LRMDA: variants seen among roughly 807,000 people sequenced by gnomAD.
LRMDA encodes the protein leucine-rich melanocyte differentiation-associated protein.
Under a neutral mutation model 29.8 loss-of-function variants are expected in LRMDA, and 18 were observed. That is an observed-to-expected ratio of 0.60 (90% CI 0.42 to 0.90). The LOEUF is 0.90. Among genes scored for constraint, LRMDA ranks in the 40% least tolerant of loss-of-function variants. The pLI, the probability that LRMDA is intolerant of heterozygous loss-of-function variation, is 0.00. For missense variants in LRMDA, 273 were observed against 273.9 expected (o/e 1.00, Z 0.02); for synonymous variants, 125 against 109.4 (o/e 1.14, Z -0.89).
At chr10:75,995,807 A>G (rs1169854632) in intron 2 of LRMDA, among the ~76,000 whole-genome samples, 1 of 152,160 alleles carries the variant, frequency 6.6e-6, no homozygotes, top group African/African-American at 2.4e-5. Context: ...ACTTTCTGAG[A>G]CAAAGAGAGT....
At chr10:76,196,517 C>T (rs1004734557) in intron 5 of LRMDA, among the ~76,000 whole-genome samples, 2 of 152,202 alleles carry the variant, frequency 1.3e-5, no homozygotes, top group Non-Finnish European at 2.9e-5. Flanking sequence ...AGTGATCTCT[C>T]CCTGTGCTAC....
intron 2 of LRMDA, among the ~76,000 whole-genome samples, chr10:76,004,789 G>A (rs1468208692): frequency 2.7e-5 from 4 of 149,536 alleles, no homozygotes; most frequent in East Asian, 2.0e-4. Flanking sequence ...GTGCAGTGGC[G>A]TGATCTTGGC....
chr10:76,048,198 A>G (rs1011188329), intron 4 of LRMDA, among the ~76,000 whole-genome samples: 2 of 152,204 alleles, frequency 1.3e-5, no homozygotes, highest in African/African-American at 4.8e-5. Flanking sequence ...ATATGCATAT[A>G]TACATATATG....
At chr10:76,104,939 C>G (rs1328261420) in intron 5 of LRMDA, among the ~76,000 whole-genome samples, 1 of 152,188 alleles carries the variant, frequency 6.6e-6, no homozygotes, top group African/African-American at 2.4e-5. Flanking sequence ...AAAGCAAGCT[C>G]CTGCTCCAGG....
chr10:76,478,910 A>AG (rs1380305596), intron 6 of LRMDA, among the ~76,000 whole-genome samples: 5 of 121,296 alleles, frequency 4.1e-5, no homozygotes, highest in East Asian at 2.8e-4. Flanking sequence ...GGTGTGGGGG[A>AG]GGGGGGAGGG....
At chr10:75,796,844 C>T (rs958351455) in intron 2 of LRMDA, among the ~76,000 whole-genome samples, 7 of 152,194 alleles carry the variant, frequency 4.6e-5, no homozygotes, top group Non-Finnish European at 8.8e-5. Flanking sequence ...GGATTACAGG[C>T]ATGAGCCACT....
chr10:76,451,913 T>G (rs1842411281), intron 6 of LRMDA, among the ~76,000 whole-genome samples: 1 of 152,184 alleles, frequency 6.6e-6, no homozygotes, highest in African/African-American at 2.4e-5. Context: ...CACCTCGGCC[T>G]CCCAAAATGC....
At chr10:75,540,033 T>C (rs993019912) in intron 2 of LRMDA, among the ~76,000 whole-genome samples, 5 of 152,232 alleles carry the variant, frequency 3.3e-5, no homozygotes, top group Non-Finnish European at 7.3e-5. Context: ...GGTATAGGCC[T>C]GATTCTCATG....
At chr10:76,219,379 G>A (rs1416672417) in intron 5 of LRMDA, among the ~76,000 whole-genome samples, 1 of 152,078 alleles carries the variant, frequency 6.6e-6, no homozygotes, top group Non-Finnish European at 1.5e-5. Flanking sequence ...CATCTCACGT[G>A]CAGAGACACA....
intron 2 of LRMDA, among the ~76,000 whole-genome samples, chr10:75,835,119 A>G (rs551715734): frequency 6.6e-6 from 1 of 152,298 alleles, no homozygotes; most frequent in South Asian, 2.1e-4. Context: ...AGTAATACAC[A>G]TTTGTTCTCT....
chr10:76,269,547 C>G (rs1840043124), intron 5 of LRMDA, among the ~76,000 whole-genome samples: 1 of 152,016 alleles, frequency 6.6e-6, no homozygotes, highest in South Asian at 2.1e-4. Flanking sequence ...TAGATACATA[C>G]TATATCTATA....
intron 5 of LRMDA, among the ~76,000 whole-genome samples, chr10:76,228,908 TGTTTTCCAAA>T (rs1489976387): frequency 6.6e-6 from 1 of 152,230 alleles, no homozygotes; most frequent in Non-Finnish European, 1.5e-5. Context: ...ATAGCTTAAA[TGTTTTCCAAA>T]GTTAGCTTGG....
chr10:75,658,175 G>A (rs1189768510), intron 2 of LRMDA, among the ~76,000 whole-genome samples: 3 of 151,908 alleles, frequency 2.0e-5, no homozygotes, highest in African/African-American at 4.8e-5. Context: ...AAGAAAAACC[G>A]CAGTGTAGTC....
At chr10:76,360,844 A>G (rs1841302426) in intron 6 of LRMDA, among the ~76,000 whole-genome samples, 1 of 152,212 alleles carries the variant, frequency 6.6e-6, no homozygotes, top group Non-Finnish European at 1.5e-5. Context: ...CTCTTTTAAA[A>G]TGCAGATACC....
chr10:75,486,009 G>A (rs1198852764), intron 2 of LRMDA, among the ~76,000 whole-genome samples: 2 of 152,164 alleles, frequency 1.3e-5, no homozygotes, highest in African/African-American at 4.8e-5. Context: ...GCTTAGAACT[G>A]TGCGTATTTA....
In LRMDA at chr10:75,518,506, C is replaced by T. The variant is rs544826529; in HGVS notation, c.131+80012C>T. On this transcript the variant is annotated intron_variant, in intron 2 of 6. Coordinates refer to ENST00000611255, the MANE Select transcript of LRMDA (RefSeq NM_001305581.2). Reference sequence around the variant, plus strand: ...TTTGCCTAGAGGTATTTATAGTATTCTCTGATGGTAGTTTGTATTTCTGTG... The same window carrying T: ...TTTGCCTAGAGGTATTTATAGTATTTTCTGATGGTAGTTTGTATTTCTGTG... Among the ~76,000 whole-genome samples the T allele has an allele frequency of 5.3e-5, 8 of 152,310 alleles. No individual in the cohort carries two copies. In the South Asian group the frequency reaches 1.4e-3, roughly 28 times the overall value.
chr10:75,673,464 A>G (rs1841924987), intron 2 of LRMDA, among the ~76,000 whole-genome samples: 1 of 152,208 alleles, frequency 6.6e-6, no homozygotes, highest in Non-Finnish European at 1.5e-5. Flanking sequence ...AACACAAAGT[A>G]TGGAATGATG....
chr10:76,127,184 T>C (rs1849898723), intron 5 of LRMDA, among the ~76,000 whole-genome samples: 1 of 152,236 alleles, frequency 6.6e-6, no homozygotes, highest in Non-Finnish European at 1.5e-5. Flanking sequence ...TTTTAATTCA[T>C]AGCAGAGTTG....
intron 6 of LRMDA, among the ~76,000 whole-genome samples, chr10:76,542,321 G>A (rs775557894): frequency 3.3e-5 from 5 of 151,964 alleles, no homozygotes; most frequent in African/African-American, 9.7e-5. Context: ...TAATATGGCC[G>A]CTCAATTTTT....
Sources: gnomAD v4.1 joint callset for allele counts (sites outside exome capture counted in the v4.1 genomes callset) on GRCh38, gnomAD v4.1.1 for gene constraint, MANE v1.5 for transcripts, NCBI Gene and HGNC (gene_info 2026-07-23, HGNC 2026-07-21) for gene names.